The following ASS1 variants were observed in gnomAD, a reference collection of about 807,000 sequenced individuals.
The protein encoded by ASS1 is argininosuccinate synthase 1, also known as argininosuccinate synthase.
ASS1 carries 58 observed loss-of-function variants against 60.5 expected under a neutral mutation model. The observed-to-expected ratio is 0.96, with a 90% CI of 0.78 to 1.19. The LOEUF (loss-of-function observed/expected upper bound fraction) is 1.19. Among genes scored for constraint, ASS1 ranks in the 50% most tolerant of loss-of-function variants. ASS1 has a pLI of 0.00. For synonymous variants in ASS1, 200 were observed against 206.9 expected, an observed-to-expected ratio of 0.97 and a Z score of 0.29; for missense variants, 454 against 547.3, an observed-to-expected ratio of 0.83 and a Z score of 1.70.
intron 4 of ASS1, among the ~76,000 whole-genome samples, chr9:130,461,863 G>A (rs1845604377): frequency 6.6e-6 from 1 of 152,210 alleles, no homozygotes; most frequent in Admixed American, 6.5e-5. Flanking sequence ...GACGGGCCAG[G>A]TGGAGGCTTT....
intron 5 of ASS1, 39 bp downstream of exon 5, chr9:130,464,206 A>G: frequency 2.5e-6 from 4 of 1,599,530 alleles, no homozygotes; most frequent in Non-Finnish European, 3.4e-6. Flanking sequence ...GAGCACTAGC[A>G]TCTGCAGCAC....
intron 2 of ASS1, among the ~76,000 whole-genome samples, chr9:130,453,024 T>C (rs927074505): frequency 1.1e-4 from 17 of 152,108 alleles, no homozygotes; most frequent in Admixed American, 7.2e-4. Flanking sequence ...ACTCCAGGGG[T>C]AGGATGGCTT....
intron 8 of ASS1, among the ~76,000 whole-genome samples, chr9:130,471,912 G>A (rs527244865): frequency 6.6e-6 from 1 of 152,334 alleles, no homozygotes; most frequent in East Asian, 1.9e-4. Flanking sequence ...GGGGGTGGGG[G>A]GAGGCATGGC....
In ASS1 at chr9:130,491,115, G is replaced by A. The variant is rs1846438146; in HGVS notation, c.970+1651G>A. 6.6e-6 allele frequency among the ~76,000 whole-genome samples: 1 copy of A among 152,160 alleles called. No individual in the cohort carries two copies. Among genetic ancestry groups the A allele is most frequent in the Non-Finnish European group, 1.5e-5 (1 of 68,022 alleles). On this transcript the variant is annotated intron_variant, in intron 12 of 14. Coordinates refer to ENST00000352480, the MANE Select transcript of ASS1 (RefSeq NM_054012.4). The surrounding 1 kb of genome is among the most constrained non-coding windows in gnomAD (Gnocchi z 5.3). ...CTCAGGATTTCGAGAGGGCTCGATG[G>A]TTATTGGCTGGCGTTATTTCTCCCT... is the stretch of plus-strand genomic sequence containing the variant.
At chr9:130,480,585 CGT>C in intron 11 of ASS1, 136 bp downstream of exon 11, 1 of 893,202 alleles carries the variant, frequency 1.1e-6, no homozygotes, top group Non-Finnish European at 1.8e-6. Flanking sequence ...CACCACACCC[CGT>C]GAGACCGCAG....
intron 3 of ASS1, among the ~76,000 whole-genome samples, chr9:130,454,970 ATCCATCCTCCG>A (rs1845411793): frequency 7.0e-6 from 1 of 141,970 alleles, no homozygotes; most frequent in Non-Finnish European, 1.5e-5. Context: ...CCATCTATCC[ATCCATCCTCCG>A]TCCATTCATC....
intron 11 of ASS1, among the ~76,000 whole-genome samples, chr9:130,483,066 T>G (rs1485683171): frequency 2.0e-5 from 3 of 152,172 alleles, no homozygotes; most frequent in Admixed American, 6.5e-5. Context: ...AAGACAAAGT[T>G]GCTAGGTAAT....
chr9:130,473,022 A>G (rs1845909048), intron 8 of ASS1, among the ~76,000 whole-genome samples: 1 of 152,200 alleles, frequency 6.6e-6, no homozygotes, highest in Non-Finnish European at 1.5e-5. Flanking sequence ...GGCCTGGAGC[A>G]GGTTACTGAG....
intron 8 of ASS1, among the ~76,000 whole-genome samples, chr9:130,472,502 T>A (rs1000995405): frequency 2.0e-5 from 3 of 152,136 alleles, no homozygotes; most frequent in Admixed American, 6.5e-5. Context: ...CCTCACTTTA[T>A]GGTTGAGGAA....
At chr9:130,474,203 G>C (rs1303397216) in intron 8 of ASS1, among the ~76,000 whole-genome samples, 3 of 151,856 alleles carry the variant, frequency 2.0e-5, no homozygotes, top group East Asian at 1.9e-4. Flanking sequence ...GCAGGCGCTC[G>C]AGCCACCGCG....
intron 4 of ASS1, 113 bp downstream of exon 4, chr9:130,458,702 A>C (rs1845510822): frequency 7.1e-7 from 1 of 1,412,132 alleles, no homozygotes; most frequent in Non-Finnish European, 9.7e-7. Flanking sequence ...GACTTGGTGC[A>C]AGGCAGCTAC....
upstream of ASS1, among the ~76,000 whole-genome samples, chr9:130,444,713 G>T (rs1200801060): frequency 6.6e-6 from 1 of 151,918 alleles, no homozygotes; most frequent in African/African-American, 2.4e-5. The surrounding 1 kb of genome is among the most constrained non-coding windows in gnomAD (Gnocchi z 4.7). Flanking sequence ...CCCCGCCGGC[G>T]CGCCCCTGGG....
At chr9:130,473,864 C>A (rs1425693946) in intron 8 of ASS1, among the ~76,000 whole-genome samples, 1 of 152,162 alleles carries the variant, frequency 6.6e-6, no homozygotes, top group Non-Finnish European at 1.5e-5. Context: ...TTCATTCAGT[C>A]GCCGGCCCGC....
intron 7 of ASS1, 108 bp downstream of exon 7, chr9:130,471,012 C>T: frequency 7.7e-7 from 1 of 1,306,690 alleles, no homozygotes; most frequent in Non-Finnish European, 1.1e-6. Context: ...GGTCCCTGCC[C>T]TCGGGGAGCT....
chr9:130,462,010 C>T (rs574339547), intron 4 of ASS1, among the ~76,000 whole-genome samples: 2 of 152,222 alleles, frequency 1.3e-5, no homozygotes, highest in South Asian at 4.1e-4. Context: ...GAGGCAGCCT[C>T]CCTTCCCAGC....
chr9:130,499,124 G>C (rs1846674171), intron 13 of ASS1, among the ~76,000 whole-genome samples: 1 of 152,200 alleles, frequency 6.6e-6, no homozygotes, highest in African/African-American at 2.4e-5. Flanking sequence ...TCAGGTCACT[G>C]CATGCCATCC....
intron 1 of ASS1, 179 bp downstream of exon 1, chr9:130,445,174 T>C: frequency 1.0e-6 from 1 of 985,224 alleles, no homozygotes; most frequent in Non-Finnish European, 1.2e-6. Flanking sequence ...CTCCCGATGC[T>C]CAAACGCCTG....
chr9:130,446,147 G>A (rs1421130886), intron 1 of ASS1, among the ~76,000 whole-genome samples: 1 of 152,188 alleles, frequency 6.6e-6, no homozygotes, highest in Non-Finnish European at 1.5e-5. Flanking sequence ...GCCACCCAAA[G>A]TGCCTGGCCC....
chr9:130,467,947 G>A (rs1845785602), intron 6 of ASS1, among the ~76,000 whole-genome samples: 1 of 152,176 alleles, frequency 6.6e-6, no homozygotes. Context: ...GGAGCACACT[G>A]CTGTCCTTCC....
Sources: allele counts gnomAD v4.1 joint callset (sites outside exome capture counted in the v4.1 genomes callset), GRCh38; gene constraint gnomAD v4.1.1; non-coding constraint Gnocchi (gnomAD v3.1); transcripts MANE v1.5; gene names NCBI Gene and HGNC (gene_info 2026-07-23, HGNC 2026-07-21).